The following FBLN2 variants were observed in gnomAD, a reference collection of about 807,000 sequenced individuals.
The protein encoded by FBLN2 is fibulin-2.
Under a neutral mutation model 123.7 loss-of-function variants are expected in FBLN2, and 81 were observed. The ratio of observed to expected loss-of-function variants is 0.65; its 90% CI spans 0.55 to 0.79. The LOEUF (loss-of-function observed/expected upper bound fraction) is 0.79, where lower values mean the gene tolerates loss of function less well. FBLN2 is among the 30% of genes least tolerant of loss of function. FBLN2 has a pLI of 0.00. For missense variants in FBLN2, 1,603 were observed against 1,681.3 expected, an observed-to-expected ratio of 0.95 and a Z score of 0.81; for synonymous variants, 699 against 701.4, an observed-to-expected ratio of 1.00 and a Z score of 0.05.
At chr3:13,609,046 G>A (rs1232756682) in intron 3 of FBLN2, among the ~76,000 whole-genome samples, 6 of 152,224 alleles carry the variant, frequency 3.9e-5, no homozygotes, top group Non-Finnish European at 7.3e-5. Flanking sequence ...CACTTCAGGG[G>A]GTGCTGAGCC....
At chr3:13,598,949 C>T (rs1704936276) in intron 2 of FBLN2, among the ~76,000 whole-genome samples, 1 of 152,172 alleles carries the variant, frequency 6.6e-6, no homozygotes, top group African/African-American at 2.4e-5. Flanking sequence ...GGATACTCGC[C>T]AGTTGGCCAA....
intron 16 of FBLN2, among the ~76,000 whole-genome samples, chr3:13,634,584 G>A (rs1706388067): frequency 6.6e-6 from 1 of 152,278 alleles, no homozygotes; most frequent in Non-Finnish European, 1.5e-5. Flanking sequence ...CCCTCTCCAT[G>A]TGGAGTCCAC....
At chr3:13,584,215 A>G (rs1201860821) in intron 2 of FBLN2, among the ~76,000 whole-genome samples, 2 of 152,220 alleles carry the variant, frequency 1.3e-5, no homozygotes, top group Non-Finnish European at 2.9e-5. Flanking sequence ...ATTCGTTCAC[A>G]TATTTTTAAA....
rs369753164 is a variant in FBLN2 at position 13,568,433 on chromosome 3, C to T, written c.-41-1882C>T. 5.3e-5 allele frequency among the ~76,000 whole-genome samples: 8 copies of T among 152,370 alleles called. No individual in the cohort carries two copies. In the East Asian group the frequency reaches 1.2e-3, roughly 22 times the overall value. Reference sequence around the variant, plus strand: ...CTCTCACCTGCTCCCTGCTGGCTCCCGTGTCTCAGCGCAGTGGGCAGCTGG... The same window carrying T: ...CTCTCACCTGCTCCCTGCTGGCTCCTGTGTCTCAGCGCAGTGGGCAGCTGG... On this transcript the variant is annotated intron_variant, in intron 1 of 17. Transcript: ENST00000404922.
intron 2 of FBLN2, among the ~76,000 whole-genome samples, chr3:13,586,836 T>A (rs1368987582): frequency 2.1e-5 from 3 of 140,922 alleles, no homozygotes; most frequent in Non-Finnish European, 4.5e-5. Flanking sequence ...GAAAAAAGAT[T>A]TAAAAGTTAA....
chr3:13,617,759 C>CCTACCCATCCACCCACCCATCCAT, intron 5 of FBLN2, among the ~76,000 whole-genome samples: 1 of 116,778 alleles, frequency 8.6e-6, no homozygotes, highest in African/African-American at 3.2e-5. Context: ...CATTCATTCA[C>CCTACCCATCCACCCACCCATCCAT]CTACCCATCC....
chr3:13,549,169 G>C lies in FBLN2; in HGVS notation c.-81G>C. 5.1e-6 allele frequency: 5 copies of C among 982,856 alleles called. No homozygotes were observed. The highest frequency in any genetic ancestry group is 6.0e-6 in the Non-Finnish European group (5 of 828,990). The allele number at this position is 982,856 out of a possible 1,614,324, so 60.9% of individuals were successfully genotyped here. A position where few individuals can be genotyped will look rare whatever the true frequency, so the allele number is the denominator to read the frequency against. On this transcript the variant is annotated 5_prime_UTR_variant, in exon 1 of 18. Coordinates refer to ENST00000404922, the MANE Select transcript of FBLN2 (RefSeq NM_001004019.2). ...CCGGGCTCTCGACGCGCCGACGGCC[G>C]GGCGGACGGACGGACGGACGCCGAG...
intron 4 of FBLN2, 54 bp downstream of exon 4, chr3:13,609,696 C>T: frequency 6.6e-7 from 1 of 1,526,398 alleles, no homozygotes; most frequent in South Asian, 1.2e-5. Flanking sequence ...GGGCGGGAGG[C>T]TGGCCTGGGC....
Position 13,570,607 on chromosome 3 carries a change from C to A in FBLN2, c.252C>A (p.Pro84=). The A allele has an allele frequency of 6.3e-7, 1 of 1,577,984 alleles. No homozygotes were observed. ...GTGGCTTCGTGCGCGGCCGCGTGCC[C>A]GCCGGTCAGTCCTATTTTGTGGACT... ...LQGGFVRGRV[P]AGQSYFVDFG... The change falls in exon 2 of 18, where the codon CCC becomes CCA. Residue 84 remains proline (P), a synonymous_variant. Coordinates refer to ENST00000404922, the MANE Select transcript of FBLN2 (RefSeq NM_001004019.2).
intron 16 of FBLN2, 101 bp from the exon 17 acceptor site, chr3:13,636,344 G>A (rs1405099324): frequency 6.9e-7 from 1 of 1,450,620 alleles, no homozygotes; most frequent in Non-Finnish European, 9.3e-7. Context: ...ATTCTCACAG[G>A]TCCGGCTGCC....
Position 13,617,143 on chromosome 3 carries a change from A to ATCCATCC in FBLN2, c.1730-933_1730-932insTCCATCC, listed in dbSNP as rs1553621511. Among the ~76,000 whole-genome samples the ATCCATCC allele has an allele frequency of 7.4e-3, 997 of 134,628 alleles. 3 individuals carry two copies. Among genetic ancestry groups the ATCCATCC allele is most frequent in the Non-Finnish European group, 8.2e-3 (551 of 67,002 alleles). 88.3% of individuals were successfully genotyped at this position (134,628 alleles called of 152,430 possible). A position where few individuals can be genotyped will look rare whatever the true frequency, so the allele number is the denominator to read the frequency against. On this transcript the variant is annotated intron_variant, in intron 5 of 17. Coordinates refer to ENST00000404922, the MANE Select transcript of FBLN2 (RefSeq NM_001004019.2). ...TCATTCATTTGCCCATCCATTCATCAATCCATCCATCCATCCATCCATCCA... is the reference window on the plus strand; with the variant it reads ...TCATTCATTTGCCCATCCATTCATCATCCATCCATCCATCCATCCATCCATCCATCCA...
chr3:13,578,348 TTTCCA>T (rs1234493266), intron 2 of FBLN2, among the ~76,000 whole-genome samples: 1 of 152,164 alleles, frequency 6.6e-6, no homozygotes, highest in African/African-American at 2.4e-5. Context: ...TAGCAGTCAC[TTTCCA>T]TTCCCTCTTT....
chr3:13,613,919 C>T (rs1007469071), intron 4 of FBLN2, 65 bp from the exon 5 acceptor site: 5 of 1,533,864 alleles, frequency 3.3e-6, no homozygotes, highest in African/African-American at 1.4e-5. Flanking sequence ...TTATCAGTCC[C>T]TCCCCTGAGC....
At chr3:13,609,684 C>CTGA in intron 4 of FBLN2, 42 bp downstream of exon 4, 5 of 196,566 alleles carry the variant, frequency 2.5e-5, no homozygotes, top group Non-Finnish European at 4.7e-5. Flanking sequence ...TGGGGTGGGG[C>CTGA]GGGGCGGGAG....
At chr3:13,614,851 T>C (rs1338408685) in intron 5 of FBLN2, among the ~76,000 whole-genome samples, 1 of 150,950 alleles carries the variant, frequency 6.6e-6, no homozygotes, top group Non-Finnish European at 1.5e-5. Flanking sequence ...CATTCATTCA[T>C]TCATCTGTCC....
intron 11 of FBLN2, among the ~76,000 whole-genome samples, chr3:13,628,539 A>C (rs1378267006): frequency 1.3e-5 from 2 of 152,116 alleles, no homozygotes; most frequent in Admixed American, 1.3e-4. Context: ...ACTCCTTCCA[A>C]AAAAGGGTTT....
chr3:13,570,787 C>T lies in FBLN2; in HGVS notation c.432C>T (p.His144=). The T allele has an allele frequency of 2.5e-6, 4 of 1,597,476 alleles. No homozygotes were observed. The highest frequency in any genetic ancestry group is 3.4e-6 in the Non-Finnish European group (4 of 1,173,010). ...AGGTGGGCTGCGTCCACGCGGGCCACAAGTACGCCGCTGGCCACACTGTTC... is the reference window on the plus strand; with the variant it reads ...AGGTGGGCTGCGTCCACGCGGGCCATAAGTACGCCGCTGGCCACACTGTTC... The part of the protein sequence containing the change: ...CGQVGCVHAG[H]KYAAGHTVHL... Residue 144 remains histidine, a synonymous_variant, in exon 2 of 18, where the codon CAC becomes CAT. Transcript: ENST00000404922.
chr3:13,626,058 C>T (rs1306047419), intron 9 of FBLN2, among the ~76,000 whole-genome samples: 1 of 152,138 alleles, frequency 6.6e-6, no homozygotes, highest in Non-Finnish European at 1.5e-5. Context: ...GCCCAGCGCC[C>T]CCCGCTGTAC....
intron 2 of FBLN2, 114 bp downstream of exon 2, chr3:13,571,775 G>A: frequency 1.6e-6 from 2 of 1,228,140 alleles, no homozygotes; most frequent in Non-Finnish European, 2.2e-6. Flanking sequence ...TGTGGGGCCA[G>A]GCCTAGGGTG....
Sources: allele counts gnomAD v4.1 joint callset (sites outside exome capture counted in the v4.1 genomes callset), GRCh38; gene constraint gnomAD v4.1.1; transcripts MANE v1.5; gene names NCBI Gene and HGNC (gene_info 2026-07-23, HGNC 2026-07-21).